Variants in PCAT7 observed in about 807,000 individuals in gnomAD.
PCAT7 encodes the protein prostate cancer associated transcript 7 (non-protein coding).
intron 2 of PCAT7, chr9:94,567,208 C>A (rs1827202152): frequency 1.3e-6 from 2 of 1,588,608 alleles, no homozygotes; most frequent in Admixed American, 3.4e-5. Flanking sequence ...GAAGCCACCA[C>A]CCAAACAGGA....
intron 2 of PCAT7, among the ~76,000 whole-genome samples, chr9:94,565,485 A>G (rs926622759): frequency 4.6e-5 from 7 of 152,152 alleles, no homozygotes; most frequent in Admixed American, 3.3e-4. Context: ...TGTGTTACAC[A>G]GGAACACAAT....
exon 3 of PCAT7, chr9:94,573,028 G>A (rs1827284833): frequency 6.6e-6 from 1 of 152,100 alleles, no homozygotes; most frequent in Non-Finnish European, 1.5e-5. Context: ...CAAGAACAGT[G>A]TTATTACCTG....
intron 2 of PCAT7, chr9:94,569,088 G>C (rs1002575441): frequency 6.6e-6 from 1 of 152,286 alleles, no homozygotes; most frequent in Non-Finnish European, 1.5e-5. Context: ...GCCCAGCGCT[G>C]ATTTCTACTT....
At chr9:94,571,552 A>T in intron 2 of PCAT7, 1 of 1,613,858 alleles carries the variant, frequency 6.2e-7, no homozygotes. Flanking sequence ...CGGCCACAAT[A>T]TTGCGGCCAC....
upstream of PCAT7, chr9:94,554,944 A>T (rs1826983855): frequency 6.6e-6 from 1 of 152,208 alleles, no homozygotes; most frequent in South Asian, 2.1e-4. Context: ...ACCCTGGACT[A>T]CATGTTCTGA....
At chr9:94,572,375 A>G (rs642035) in intron 2 of PCAT7, among the ~76,000 whole-genome samples, 7 of 151,866 alleles carry the variant, frequency 4.6e-5, no homozygotes, top group Non-Finnish European at 8.8e-5. Flanking sequence ...TTCATAGATT[A>G]GTGATTCAAA....
At chr9:94,567,325 G>T (rs1212151716) in intron 2 of PCAT7, 4 of 1,614,104 alleles carry the variant, frequency 2.5e-6, no homozygotes, top group Non-Finnish European at 3.4e-6. Flanking sequence ...AAAATACTTG[G>T]CATAGCCCTC....
intron 1 of PCAT7, among the ~76,000 whole-genome samples, chr9:94,557,362 T>A (rs908917894): frequency 2.6e-5 from 4 of 152,228 alleles, no homozygotes; most frequent in African/African-American, 9.6e-5. Context: ...TGGGATATCT[T>A]TCCATTTACT....
At chr9:94,562,188 G>A (rs1386532562) in intron 2 of PCAT7, among the ~76,000 whole-genome samples, 2 of 151,706 alleles carry the variant, frequency 1.3e-5, no homozygotes, top group African/African-American at 4.8e-5. Flanking sequence ...GCGGGCGCCT[G>A]TAGTCCCAGC....
chr9:94,560,945 A>G (rs1185504530), intron 2 of PCAT7, among the ~76,000 whole-genome samples: 4 of 151,912 alleles, frequency 2.6e-5, no homozygotes, highest in African/African-American at 9.7e-5. Flanking sequence ...CTCTTAAAGT[A>G]GTGGGTGTCC....
chr9:94,555,009 G>A (rs1269454686), upstream of PCAT7: 1 of 152,252 alleles, frequency 6.6e-6, no homozygotes, highest in Non-Finnish European at 1.5e-5. Flanking sequence ...TTTTCATGCT[G>A]TGATTGGTTG....
At chr9:94,557,314 T>A (rs550525866) in intron 1 of PCAT7, among the ~76,000 whole-genome samples, 1 of 152,352 alleles carries the variant, frequency 6.6e-6, no homozygotes, top group East Asian at 1.9e-4. Context: ...TCGCATTGGG[T>A]GATATAGATA....
At chr9:94,559,582 G>A (rs73525304) in intron 2 of PCAT7, among the ~76,000 whole-genome samples, 2,269 of 151,300 alleles carry the variant, frequency 0.015, 85 homozygotes, top group African/African-American at 0.053. Context: ...TCTCTCTGGG[G>A]ACAGCCACAG....
At chr9:94,574,298 G>A (rs1349391368) in intron 3 of PCAT7, among the ~76,000 whole-genome samples, 1 of 152,116 alleles carries the variant, frequency 6.6e-6, no homozygotes, top group Admixed American at 6.5e-5. Context: ...TAATAAGAGA[G>A]TTCATTTTAA....
chr9:94,555,390 G>A (rs547874499), intron 1 of PCAT7: 1 of 152,128 alleles, frequency 6.6e-6, no homozygotes, highest in Non-Finnish European at 1.5e-5. Flanking sequence ...AAAGGATAGC[G>A]AGGAGGAGAA....
At chr9:94,569,974 T>C (rs1642479142) in intron 2 of PCAT7, 1 of 152,270 alleles carries the variant, frequency 6.6e-6, no homozygotes, top group South Asian at 2.1e-4. Context: ...AAACAGGCAC[T>C]AAGCTTTGTG....
At chr9:94,571,323 C>T (rs1039931654) in intron 2 of PCAT7, 36 of 867,800 alleles carry the variant, frequency 4.1e-5, no homozygotes, top group Non-Finnish European at 3.8e-5. Context: ...GGTTTTGGCT[C>T]CCCAAACTAG....
chr9:94,560,665 T>C (rs576508853), intron 2 of PCAT7, among the ~76,000 whole-genome samples: 1 of 150,076 alleles, frequency 6.7e-6, no homozygotes, highest in Admixed American at 6.6e-5. Context: ...AAGAGTCATA[T>C]ATTATGGTAA....
chr9:94,556,030 T>C (rs1393874116), intron 1 of PCAT7, among the ~76,000 whole-genome samples: 2 of 132,710 alleles, frequency 1.5e-5, no homozygotes, highest in Non-Finnish European at 3.2e-5. Flanking sequence ...TGAGCAGGAG[T>C]GGGGAAAAGG....
Sources: gnomAD v4.1 joint callset for allele counts (sites outside exome capture counted in the v4.1 genomes callset) on GRCh38, gnomAD v4.1.1 for gene constraint, MANE v1.5 for transcripts, NCBI Gene and HGNC (gene_info 2026-07-23, HGNC 2026-07-21) for gene names.